Variants in EDAR observed in about 807,000 individuals in gnomAD.
EDAR encodes tumor necrosis factor receptor superfamily member EDAR.
Under a neutral mutation model 51.3 loss-of-function variants are expected in EDAR, and 38 were observed. The observed-to-expected ratio is 0.74, with a 90% CI of 0.57 to 0.97. EDAR has a LOEUF of 0.97. Among genes scored for constraint, EDAR ranks in the 50% least tolerant of loss-of-function variants. EDAR has a pLI of 0.00. For synonymous variants in EDAR, 227 were observed against 242.1 expected, an observed-to-expected ratio of 0.94 and a Z score of 0.58; for missense variants, 528 against 595.0, an observed-to-expected ratio of 0.89 and a Z score of 1.17.
At chr2:108,902,207 CAA>C (rs59896545) in intron 11 of EDAR, among the ~76,000 whole-genome samples, 35 of 82,524 alleles carry the variant, frequency 4.2e-4, no homozygotes, top group African/African-American at 6.7e-4. Context: ...GACTCCGTCT[CAA>C]AAAAAAAAAA....
Position 108,913,949 on chromosome 2 carries a change from C to CAAAAA in EDAR, c.443-1190_443-1186dup, listed in dbSNP as rs71383816. ...TGGGTGACACAGTGCGATTCCGTCT[C>CAAAAA]AAAAAAAAAAAAAAAAAATCTAGAA... On this transcript the variant is annotated intron_variant, in intron 5 of 11. Transcript: ENST00000258443. Among the ~76,000 whole-genome samples, 15 of 109,074 alleles carry CAAAAA rather than the reference C, an allele frequency of 1.4e-4. 2 individuals are homozygous for CAAAAA. The highest frequency in any genetic ancestry group is 3.4e-4 in the South Asian group (1 of 2,954). The allele number at this position is 109,074 out of a possible 152,430, so 71.6% of individuals were successfully genotyped here. A position where few individuals can be genotyped will look rare whatever the true frequency, so the allele number is the denominator to read the frequency against.
intron 6 of EDAR, among the ~76,000 whole-genome samples, 179 bp from the exon 7 acceptor site, chr2:108,911,251 G>T (rs1281262283): frequency 6.6e-6 from 1 of 152,068 alleles, no homozygotes; most frequent in East Asian, 1.9e-4. Flanking sequence ...TTGGCTGCCA[G>T]ACCAGGACTG....
At chr2:108,922,825 G>T (rs534854654) in intron 5 of EDAR, among the ~76,000 whole-genome samples, 1 of 152,158 alleles carries the variant, frequency 6.6e-6, no homozygotes, top group East Asian at 1.9e-4. Flanking sequence ...CTGGCCCTTC[G>T]TCATAAACAG....
intron 5 of EDAR, among the ~76,000 whole-genome samples, chr2:108,916,936 T>C (rs1388055867): frequency 1.3e-5 from 2 of 151,914 alleles, no homozygotes; most frequent in Non-Finnish European, 2.9e-5. Flanking sequence ...CAGGAGGACA[T>C]GGGGATTCAG....
At chr2:108,956,532 T>C (rs1697928806) in intron 1 of EDAR, among the ~76,000 whole-genome samples, 1 of 152,230 alleles carries the variant, frequency 6.6e-6, no homozygotes, top group Admixed American at 6.5e-5. Flanking sequence ...AAACTACACA[T>C]GGCATTGAAA....
At chr2:108,987,754 C>T (rs1471634620) in intron 1 of EDAR, among the ~76,000 whole-genome samples, 2 of 152,166 alleles carry the variant, frequency 1.3e-5, no homozygotes, top group Non-Finnish European at 2.9e-5. Context: ...CTTTCCCAGC[C>T]GTGAAGGGTA....
intron 3 of EDAR, 46 bp downstream of exon 3, chr2:108,930,074 G>A (rs764313261): frequency 2.5e-6 from 4 of 1,587,124 alleles, no homozygotes; most frequent in East Asian, 4.5e-5. Flanking sequence ...CAAGCAGGAG[G>A]CCTCCCCTGA....
Position 108,895,929 on chromosome 2 carries a change from C to T in EDAR, c.*978G>A, listed in dbSNP as rs1574360903. 6.6e-6 allele frequency: 1 copy of T among 152,230 alleles called. No individual in the cohort carries two copies. The highest frequency in any genetic ancestry group is 2.4e-5 in the African/African-American group (1 of 41,462). 9.4% of individuals were successfully genotyped at this position (152,230 alleles called of 1,614,324 possible). ...ATGCGTGGCTGAACTCTTAGGAAGT[C>T]ATCATTTCTCTAATTACAGCTGACT... On this transcript the variant is annotated 3_prime_UTR_variant, in exon 12 of 12. Coordinates refer to ENST00000258443, the MANE Select transcript of EDAR (RefSeq NM_022336.4).
chr2:108,945,013 A>G (rs890483285), intron 1 of EDAR, among the ~76,000 whole-genome samples: 2 of 152,136 alleles, frequency 1.3e-5, no homozygotes, highest in African/African-American at 2.4e-5. Context: ...CAGCCTGGTG[A>G]TTTGAAAAAG....
intron 1 of EDAR, among the ~76,000 whole-genome samples, chr2:108,949,120 G>T (rs1311031037): frequency 6.6e-6 from 1 of 152,090 alleles, no homozygotes; most frequent in African/African-American, 2.4e-5. Flanking sequence ...TGGATCTACA[G>T]GCTTGAAACA....
chr2:108,910,505 T>C lies in EDAR; in HGVS notation c.758A>G (p.Asp253Gly). The change falls in exon 9 of 12, where the codon GAT (aspartate) becomes GGT (glycine). Residue 253 changes from aspartate to glycine, a missense_variant. Physicochemically the swap from Asp to Gly is moderately conservative, Grantham distance 94. Coordinates refer to ENST00000258443, the MANE Select transcript of EDAR (RefSeq NM_022336.4). ...AGTTGCTGTCAGCTTCTCAAATTCA[T>C]CCTTCTCGGAGAACATCACCACGTT... is the stretch of plus-strand genomic sequence containing the variant. ...PDNVVMFSEK[D>G]EFEKLTATPA... is the part of the protein sequence containing the mutation. 6.2e-7 allele frequency: 1 copy of C among 1,613,908 alleles called. No individual in the cohort carries two copies. Among genetic ancestry groups the C allele is most frequent in the Non-Finnish European group, 8.5e-7 (1 of 1,179,906 alleles).
At chr2:108,972,235 T>C (rs1698247801) in intron 1 of EDAR, among the ~76,000 whole-genome samples, 1 of 152,272 alleles carries the variant, frequency 6.6e-6, no homozygotes, top group African/African-American at 2.4e-5. Context: ...TTCCAGTCCT[T>C]TGCTGTTTCA....
chr2:108,930,626 T>TA (rs1697350784), intron 2 of EDAR, among the ~76,000 whole-genome samples: 1 of 151,942 alleles, frequency 6.6e-6, no homozygotes, highest in Non-Finnish European at 1.5e-5. Context: ...AGGATGGGGG[T>TA]AGGGGTCTGA....
At chr2:108,939,921 T>C (rs1697559504) in intron 1 of EDAR, among the ~76,000 whole-genome samples, 1 of 152,188 alleles carries the variant, frequency 6.6e-6, no homozygotes, top group Admixed American at 6.5e-5. Context: ...ATTTGTGGTG[T>C]GATGGAGACG....
chr2:108,932,816 G>A (rs1558816858), intron 1 of EDAR, among the ~76,000 whole-genome samples: 1 of 152,178 alleles, frequency 6.6e-6, no homozygotes, highest in African/African-American at 2.4e-5. Flanking sequence ...AACCATAGCA[G>A]CATGGAAATG....
chr2:108,961,828 C>A (rs1016394378), intron 1 of EDAR, among the ~76,000 whole-genome samples: 14 of 152,160 alleles, frequency 9.2e-5, no homozygotes, highest in Non-Finnish European at 1.5e-4. Flanking sequence ...GAGGGAGACC[C>A]TTGCTTCACA....
intron 11 of EDAR, among the ~76,000 whole-genome samples, chr2:108,901,633 A>G (rs1357380012): frequency 1.3e-5 from 2 of 152,360 alleles, no homozygotes; most frequent in African/African-American, 4.8e-5. Context: ...TATACACACC[A>G]TAGATATCAA....
intron 1 of EDAR, among the ~76,000 whole-genome samples, chr2:108,965,180 T>C (rs1175379053): frequency 6.6e-6 from 1 of 152,110 alleles, no homozygotes; most frequent in Non-Finnish European, 1.5e-5. Context: ...ATTATATCTT[T>C]TAATGACAAC....
In EDAR at chr2:108,896,785, A is replaced by G. The variant is rs1196707859; in HGVS notation, c.*122T>C. The G allele has an allele frequency of 1.0e-6, 1 of 960,418 alleles. No homozygotes were observed. The highest frequency in any genetic ancestry group is 1.6e-6 in the Non-Finnish European group (1 of 642,950). 59.5% of individuals were successfully genotyped at this position (960,418 alleles called of 1,614,324 possible). On this transcript the variant is annotated 3_prime_UTR_variant, in exon 12 of 12. Coordinates refer to ENST00000258443, the MANE Select transcript of EDAR (RefSeq NM_022336.4). ...TTCGTCTGGCTCCTTGAACATCCTA[A>G]GGCATACGGTGACATATCACAAAAG... is the stretch of plus-strand genomic sequence containing the variant.
Sources: allele counts gnomAD v4.1 joint callset (sites outside exome capture counted in the v4.1 genomes callset), GRCh38; gene constraint gnomAD v4.1.1; transcripts MANE v1.5; gene names NCBI Gene and HGNC (gene_info 2026-07-23, HGNC 2026-07-21).